Variants in NUTM2A observed in about 807,000 individuals in gnomAD.
NUTM2A encodes NUT family member 2A, also known as family with sequence similarity 22, member A.
NUTM2A carries 3 observed loss-of-function variants against 24.4 expected under a neutral mutation model. The observed-to-expected ratio is 0.12, with a 90% CI of 0.06 to 0.32. The LOEUF (loss-of-function observed/expected upper bound fraction) is 0.32. NUTM2A is among the 10% of genes least tolerant of loss of function. The pLI, the probability that NUTM2A is intolerant of heterozygous loss-of-function variation, is 1.00. For synonymous variants in NUTM2A, 11 were observed against 278.4 expected, an observed-to-expected ratio of 0.04 and a Z score of 9.56; for missense variants, 39 against 631.1, an observed-to-expected ratio of 0.06 and a Z score of 10.05.
chr10:87,233,159 GGTTT>G lies in NUTM2A; in HGVS notation c.1734+178_1734+181del, dbSNP rs1159280126. ...TGTGTTGCTGTGTGTTTGTGTCTGT[GGTTT>G]GTTACTGTGTGTCTTTGTGTGTCTG... On this transcript the variant is annotated intron_variant, in intron 5 of 6. Coordinates refer to ENST00000381707, the MANE Select transcript of NUTM2A (RefSeq NM_001099338.2). Among the ~76,000 whole-genome samples, 4 of 111,278 alleles carry G rather than the reference GGTTT, an allele frequency of 3.6e-5. 1 individual carries two copies. The highest frequency in any genetic ancestry group is 8.8e-5 in the Admixed American group (1 of 11,328). 73.0% of individuals were successfully genotyped at this position (111,278 alleles called of 152,430 possible).
At chr10:87,229,090 G>T (rs1361340784) in intron 2 of NUTM2A, 128 bp downstream of exon 2, 2 of 1,531,070 alleles carry the variant, frequency 1.3e-6, no homozygotes, top group Non-Finnish European at 1.8e-6. Flanking sequence ...CTGCACTATG[G>T]GAAGGTATAT....
chr10:87,229,139 T>C (rs536977854), intron 2 of NUTM2A, among the ~76,000 whole-genome samples, 177 bp downstream of exon 2: 1 of 152,334 alleles, frequency 6.6e-6, no homozygotes, highest in African/African-American at 2.4e-5. Context: ...CAGGACAGAC[T>C]GTCAGGGGCC....
intron 5 of NUTM2A, among the ~76,000 whole-genome samples, 184 bp downstream of exon 5, chr10:87,233,169 T>G (rs1454998015): frequency 1.8e-5 from 2 of 108,854 alleles, no homozygotes; most frequent in Non-Finnish European, 3.9e-5. Flanking sequence ...GGTTTGTTAC[T>G]GTGTGTCTTT....
rs1419517819 is a variant in NUTM2A, at chr10:87,234,949, A to T, written c.*241A>T. The T allele has an allele frequency of 2.5e-5, 37 of 1,459,052 alleles. 2 individuals carry two copies. Among genetic ancestry groups the T allele is most frequent in the Non-Finnish European group, 3.1e-5 (34 of 1,100,898 alleles). The allele number at this position is 1,459,052 out of a possible 1,614,324, so 90.4% of individuals were successfully genotyped here. On this transcript the variant is annotated 3_prime_UTR_variant, in exon 7 of 7. Coordinates refer to ENST00000381707, the MANE Select transcript of NUTM2A (RefSeq NM_001099338.2). ...CAGTGCGTTGGGGGCCTCGTGTGTA[A>T]GTGTGAATAAATGTAGTTGTCTTGG...
rs1339894326 is a variant in NUTM2A, at chr10:87,232,912, A to T, written c.1661A>T (p.Asp554Val). Reference sequence around the variant, plus strand: ...GAAGTGAAGCAGCCACAGGAAGAGGACTGGACGCCCCCAGACCCGGGCCTC... The same window carrying T: ...GAAGTGAAGCAGCCACAGGAAGAGGTCTGGACGCCCCCAGACCCGGGCCTC... Reference protein sequence around the residue: ...EGEVKQPQEEDWTPPDPGLLS... With the variant: ...EGEVKQPQEEVWTPPDPGLLS... The change falls in exon 5 of 7, where the codon GAC (aspartate) becomes GTC (valine). Residue 554 changes from aspartate to valine, a missense_variant. Physicochemically the swap from Asp to Val is radical, Grantham distance 152. Coordinates refer to ENST00000381707, the MANE Select transcript of NUTM2A (RefSeq NM_001099338.2). 7.1e-7 allele frequency: 1 copy of T among 1,400,648 alleles called. No homozygotes were observed. The highest frequency in any genetic ancestry group is 1.7e-5 in the Admixed American group (1 of 58,352). 86.8% of individuals were successfully genotyped at this position (1,400,648 alleles called of 1,614,324 possible). A position where few individuals can be genotyped will look rare whatever the true frequency, so the allele number is the denominator to read the frequency against.
intron 2 of NUTM2A, among the ~76,000 whole-genome samples, chr10:87,229,722 T>C (rs1252480761): frequency 3.3e-5 from 5 of 151,652 alleles, no homozygotes; most frequent in Non-Finnish European, 7.4e-5. Flanking sequence ...GTGATAGCTC[T>C]GAGTGCACCA....
In NUTM2A at chr10:87,228,188, T is replaced by TC. The variant is rs1201586164; in HGVS notation, c.383-71dup. 106 of 1,015,258 alleles carry TC rather than the reference T, an allele frequency of 1.0e-4. No homozygotes were observed. In the African/African-American group the frequency reaches 1.5e-3, roughly 15 times the overall value. The allele number at this position is 1,015,258 out of a possible 1,614,324, so 62.9% of individuals were successfully genotyped here. ...GTCATACGCCCTTAGCTGTTGGGAC[T>TC]CCCCTCTGATTCCCCAGTGACTAGT... On this transcript the variant is annotated intron_variant, in intron 1 of 6. Coordinates refer to ENST00000381707, the MANE Select transcript of NUTM2A (RefSeq NM_001099338.2).
In NUTM2A at chr10:87,228,428, G is replaced by C; in HGVS notation, c.548G>C (p.Ser183Thr). The C allele has an allele frequency of 6.2e-7, 1 of 1,611,828 alleles. No individual in the cohort carries two copies. The highest frequency in any genetic ancestry group is 8.5e-7 in the Non-Finnish European group (1 of 1,179,734). Residue 183 changes from serine to threonine, a missense_variant, in exon 2 of 7, where the codon AGC becomes ACC. Transcript: ENST00000381707. ...GGPLVLSTLP[S>T]TPLVTEQDGC... ...CCTCTGGTGCTGTCTACCCTCCCCAGCACACCTCTGGTGACAGAACAGGAT... is the reference window on the plus strand; with the variant it reads ...CCTCTGGTGCTGTCTACCCTCCCCACCACACCTCTGGTGACAGAACAGGAT...
Position 87,234,800 on chromosome 10 carries a change from GT to G in NUTM2A, c.*93del, listed in dbSNP as rs1423052893. The G allele has an allele frequency of 8.8e-7, 1 of 1,133,244 alleles. No homozygotes were observed. Among genetic ancestry groups the G allele is most frequent in the Non-Finnish European group, 1.2e-6 (1 of 833,754 alleles). 70.2% of individuals were successfully genotyped at this position (1,133,244 alleles called of 1,614,324 possible). On this transcript the variant is annotated 3_prime_UTR_variant, in exon 7 of 7. Coordinates refer to ENST00000381707, the MANE Select transcript of NUTM2A (RefSeq NM_001099338.2). ...GCGGTCAAAAGCTTCTTCTCCCCCAGTGCTGATCTTGCTGGGCCTTAGCTTT... is the reference window on the plus strand; with the variant it reads ...GCGGTCAAAAGCTTCTTCTCCCCCAGGCTGATCTTGCTGGGCCTTAGCTTT...
intron 2 of NUTM2A, among the ~76,000 whole-genome samples, chr10:87,229,309 C>T (rs1849355505): frequency 6.6e-6 from 1 of 152,218 alleles, no homozygotes; most frequent in African/African-American, 2.4e-5. Context: ...CCAGTGCCTC[C>T]CCTTTAACCC....
At position 87,234,844 on chromosome 10, in the gene NUTM2A, G is replaced by C; in HGVS notation, c.*136G>C. ...TTAGCTTTGGAGGGTAGGGGAGGGA[G>C]GGGAGGGAGAGGGTGGCTGAATGGG... On this transcript the variant is annotated 3_prime_UTR_variant, in exon 7 of 7. Coordinates refer to ENST00000381707, the MANE Select transcript of NUTM2A (RefSeq NM_001099338.2). 3 of 1,342,038 alleles carry C rather than the reference G, an allele frequency of 2.2e-6. No individual in the cohort carries two copies. Among genetic ancestry groups the C allele is most frequent in the Non-Finnish European group, 3.0e-6 (3 of 1,012,276 alleles). The allele number at this position is 1,342,038 out of a possible 1,614,324, so 83.1% of individuals were successfully genotyped here.
At position 87,229,127 on chromosome 10, in the gene NUTM2A, C is replaced by G. The variant is rs146253876; in HGVS notation, c.1082+165C>G. Among the ~76,000 whole-genome samples the G allele has an allele frequency of 6.4e-3, 973 of 152,266 alleles. 19 individuals carry two copies. Among genetic ancestry groups the G allele is most frequent in the African/African-American group, 0.022 (920 of 41,512 alleles). Reference sequence around the variant, plus strand: ...TTTGACCATATTAATCTGGCTGCGGCTCAGGACAGACTGTCAGGGGCCTCA... The same window carrying G: ...TTTGACCATATTAATCTGGCTGCGGGTCAGGACAGACTGTCAGGGGCCTCA... On this transcript the variant is annotated intron_variant, in intron 2 of 6. Coordinates refer to ENST00000381707, the MANE Select transcript of NUTM2A (RefSeq NM_001099338.2).
chr10:87,233,114 T>C, intron 5 of NUTM2A, 129 bp downstream of exon 5: 1 of 989,916 alleles, frequency 1.0e-6, no homozygotes, highest in Non-Finnish European at 1.4e-6. Flanking sequence ...TATCTGTGTA[T>C]GTGATTGTGT....
chr10:87,228,049 CAG>C (rs1332709313), intron 1 of NUTM2A, among the ~76,000 whole-genome samples: 3 of 38,988 alleles, frequency 7.7e-5, no homozygotes, highest in Non-Finnish European at 1.7e-4. Context: ...TCTTGGGAGA[CAG>C]GGGTCAGGGA....
rs1849406870 is a variant in NUTM2A at position 87,234,581 on chromosome 10, G to C, written c.2510G>C (p.Gly837Ala). Residue 837 changes from glycine (G) to alanine (A), a missense_variant, in exon 7 of 7, where the codon GGG (glycine) becomes GCG (alanine). Coordinates refer to ENST00000381707, the MANE Select transcript of NUTM2A (RefSeq NM_001099338.2). ...CCTGCTGAAAAGACACCCCACCCAG[G>C]GCCTGGGCTCAGGGTCTCTGGGGAG... Reference protein sequence around the residue: ...LSPAEKTPHPGPGLRVSGEQS... With the variant: ...LSPAEKTPHPAPGLRVSGEQS... 6.4e-7 allele frequency: 1 copy of C among 1,567,052 alleles called. No individual in the cohort carries two copies.
At chr10:87,229,233 C>T (rs1212546151) in intron 2 of NUTM2A, among the ~76,000 whole-genome samples, 3 of 152,170 alleles carry the variant, frequency 2.0e-5, no homozygotes, top group Admixed American at 6.5e-5. Flanking sequence ...ACAGAAGACC[C>T]AGGTCAGAGA....
chr10:87,229,132 GAC>G (rs1295445383), intron 2 of NUTM2A, among the ~76,000 whole-genome samples, 170 bp downstream of exon 2: 1 of 152,212 alleles, frequency 6.6e-6, no homozygotes, highest in African/African-American at 2.4e-5. Flanking sequence ...TGCGGCTCAG[GAC>G]AGACTGTCAG....
At chr10:87,232,492 TC>T (rs1849375485) in intron 4 of NUTM2A, 110 bp from the exon 5 acceptor site, 1 of 678,378 alleles carries the variant, frequency 1.5e-6, no homozygotes, top group African/African-American at 1.8e-5. Context: ...GTTCAGGTGG[TC>T]CTGACCCAGC....
At chr10:87,229,353 C>CG (rs1189693115) in intron 2 of NUTM2A, among the ~76,000 whole-genome samples, 1 of 152,220 alleles carries the variant, frequency 6.6e-6, no homozygotes, top group African/African-American at 2.4e-5. Flanking sequence ...CACATGGGGC[C>CG]GGGGGGAGGA....
Sources: gnomAD v4.1 joint callset for allele counts (sites outside exome capture counted in the v4.1 genomes callset) on GRCh38, gnomAD v4.1.1 for gene constraint, MANE v1.5 for transcripts, NCBI Gene and HGNC (gene_info 2026-07-23, HGNC 2026-07-21) for gene names.